The following ZRANB3 variants were observed in gnomAD, a reference collection of about 807,000 sequenced individuals.
The protein encoded by ZRANB3 is zinc finger RANBP2-type containing 3, also known as DNA annealing helicase and endonuclease ZRANB3.
A neutral mutation model predicts 133.8 loss-of-function variants in ZRANB3; 125 were observed. The ratio of observed to expected loss-of-function variants is 0.93; its 90% CI spans 0.81 to 1.08. The LOEUF (loss-of-function observed/expected upper bound fraction) is 1.08, where lower values mean the gene tolerates loss of function less well. Among genes scored for constraint, ZRANB3 ranks in the 50% least tolerant of loss-of-function variants. ZRANB3 has a pLI of 0.00. For missense variants in ZRANB3, 1,229 were observed against 1,275.5 expected, an observed-to-expected ratio of 0.96 and a Z score of 0.56; for synonymous variants, 387 against 432.7, an observed-to-expected ratio of 0.89 and a Z score of 1.31.
intron 1 of ZRANB3, among the ~76,000 whole-genome samples, chr2:135,524,652 C>T (rs1192950229): frequency 6.6e-6 from 1 of 152,022 alleles, no homozygotes; most frequent in Non-Finnish European, 1.5e-5. Flanking sequence ...CGGGAACACA[C>T]CTTACCTCTA....
At chr2:135,505,601 T>C (rs1693142901) in intron 1 of ZRANB3, among the ~76,000 whole-genome samples, 1 of 152,054 alleles carries the variant, frequency 6.6e-6, no homozygotes, top group Non-Finnish European at 1.5e-5. Context: ...GTTTGCTTTT[T>C]TCCTCAATTA....
intron 2 of ZRANB3, among the ~76,000 whole-genome samples, chr2:135,452,985 T>A (rs944551905): frequency 2.6e-5 from 4 of 152,228 alleles, no homozygotes; most frequent in Admixed American, 2.6e-4. Context: ...CTAACAGAGG[T>A]TCTGCATGGG....
chr2:135,523,101 TC>T (rs773634246), intron 1 of ZRANB3, among the ~76,000 whole-genome samples: 70 of 152,362 alleles, frequency 4.6e-4, no homozygotes, highest in Non-Finnish European at 7.3e-4. Context: ...AGTCTTGATT[TC>T]TCACCAAATT....
chr2:135,485,745 A>G (rs1267687000), intron 2 of ZRANB3, among the ~76,000 whole-genome samples: 2 of 152,242 alleles, frequency 1.3e-5, no homozygotes, highest in African/African-American at 4.8e-5. Flanking sequence ...TGTTTACACC[A>G]TAATGTAGCC....
intron 8 of ZRANB3, among the ~76,000 whole-genome samples, chr2:135,300,225 AG>A (rs1380223980): frequency 6.6e-6 from 1 of 152,232 alleles, no homozygotes; most frequent in African/African-American, 2.4e-5. Context: ...ACAAATAATG[AG>A]GAATTCATTT....
chr2:135,326,863 G>A (rs949011463), intron 6 of ZRANB3, among the ~76,000 whole-genome samples: 1 of 129,610 alleles, frequency 7.7e-6, no homozygotes. Context: ...TCACGCCACT[G>A]CACTCCAACC....
chr2:135,482,306 T>C (rs1574175296), intron 2 of ZRANB3, among the ~76,000 whole-genome samples: 1 of 133,684 alleles, frequency 7.5e-6, no homozygotes, highest in South Asian at 2.5e-4. Flanking sequence ...CAGTGGTTTG[T>C]AGTTCTCCTT....
At chr2:135,426,323 T>G (rs1015104250) in intron 2 of ZRANB3, among the ~76,000 whole-genome samples, 1 of 152,136 alleles carries the variant, frequency 6.6e-6, no homozygotes, top group African/African-American at 2.4e-5. Context: ...GACTCCTCCC[T>G]AACTCATTCT....
intron 12 of ZRANB3, among the ~76,000 whole-genome samples, chr2:135,251,000 A>G (rs556473596): frequency 6.6e-6 from 1 of 152,274 alleles, no homozygotes; most frequent in African/African-American, 2.4e-5. Context: ...TAGACACTCA[A>G]TGCCAGCCTG....
intron 3 of ZRANB3, among the ~76,000 whole-genome samples, chr2:135,363,112 A>T (rs1156289557): frequency 6.6e-6 from 1 of 152,266 alleles, no homozygotes; most frequent in South Asian, 2.1e-4. Context: ...CAAAAGTAGT[A>T]GACAAAAAGA....
At chr2:135,360,015 C>T (rs1685601014) in intron 3 of ZRANB3, among the ~76,000 whole-genome samples, 1 of 152,058 alleles carries the variant, frequency 6.6e-6, no homozygotes, top group Non-Finnish European at 1.5e-5. Flanking sequence ...CTCATATTCC[C>T]ATTAAAGAAA....
At chr2:135,268,459 G>A (rs544024238) in intron 11 of ZRANB3, among the ~76,000 whole-genome samples, 1 of 151,972 alleles carries the variant, frequency 6.6e-6, no homozygotes, top group African/African-American at 2.4e-5. Flanking sequence ...GAGCCACCAC[G>A]CCCAGCCAGA....
At chr2:135,314,895 A>T (rs1683180913) in intron 7 of ZRANB3, among the ~76,000 whole-genome samples, 1 of 151,698 alleles carries the variant, frequency 6.6e-6, no homozygotes, top group Admixed American at 6.6e-5. Flanking sequence ...GATTACGGGC[A>T]CTCGCCACCA....
At chr2:135,316,331 T>C (rs989469228) in intron 6 of ZRANB3, among the ~76,000 whole-genome samples, 1 of 152,300 alleles carries the variant, frequency 6.6e-6, no homozygotes, top group Non-Finnish European at 1.5e-5. Flanking sequence ...TGAAATCTAG[T>C]GGATCAATTG....
chr2:135,234,521 T>C (rs1010893048), intron 12 of ZRANB3, among the ~76,000 whole-genome samples: 12 of 152,124 alleles, frequency 7.9e-5, no homozygotes, highest in Non-Finnish European at 1.8e-4. Flanking sequence ...TATTCCAAAA[T>C]TGACCACATA....
At chr2:135,410,979 C>A (rs1230664833) in intron 2 of ZRANB3, among the ~76,000 whole-genome samples, 1 of 152,196 alleles carries the variant, frequency 6.6e-6, no homozygotes. Flanking sequence ...TGGCTCATGC[C>A]TGTAATCCCA....
chr2:135,518,429 C>T (rs989121427), intron 1 of ZRANB3, among the ~76,000 whole-genome samples: 2 of 152,190 alleles, frequency 1.3e-5, no homozygotes, highest in African/African-American at 4.8e-5. Flanking sequence ...TTACGAAGCC[C>T]ATGGGAAAAG....
intron 2 of ZRANB3, among the ~76,000 whole-genome samples, chr2:135,478,427 G>A (rs1345806498): frequency 6.6e-6 from 1 of 151,902 alleles, no homozygotes; most frequent in South Asian, 2.1e-4. Flanking sequence ...TCACAACACC[G>A]CCACCTCCAC....
At chr2:135,411,112 C>T (rs1211805999) in intron 2 of ZRANB3, among the ~76,000 whole-genome samples, 1 of 152,042 alleles carries the variant, frequency 6.6e-6, no homozygotes, top group East Asian at 1.9e-4. Flanking sequence ...TGATGGTGCA[C>T]ACCTGTAGTC....
Sources: allele counts gnomAD v4.1 joint callset (sites outside exome capture counted in the v4.1 genomes callset), GRCh38; gene constraint gnomAD v4.1.1; transcripts MANE v1.5; gene names NCBI Gene and HGNC (gene_info 2026-07-23, HGNC 2026-07-21).